HSD17B12: variants seen among roughly 807,000 people sequenced by gnomAD.
The protein encoded by HSD17B12 is very-long-chain 3-oxoacyl-CoA reductase.
HSD17B12 carries 32 observed loss-of-function variants against 39.3 expected under a neutral mutation model. That is an observed-to-expected ratio of 0.81 (90% CI 0.61 to 1.09). The LOEUF (loss-of-function observed/expected upper bound fraction) is 1.09, where lower values mean the gene tolerates loss of function less well. HSD17B12 is among the 50% of genes least tolerant of loss of function. The pLI is 0.00. For missense variants in HSD17B12, 342 were observed against 382.9 expected (o/e 0.89, Z 0.89); for synonymous variants, 150 against 146.7 (o/e 1.02, Z -0.16).
intron 3 of HSD17B12, among the ~76,000 whole-genome samples, chr11:43,771,218 T>C (rs1392834363): frequency 6.6e-6 from 1 of 152,224 alleles, no homozygotes; most frequent in Non-Finnish European, 1.5e-5. Context: ...CAGCTCAGCA[T>C]TAATGTTTGT....
At chr11:43,801,624 A>T (rs12799013) in intron 4 of HSD17B12, among the ~76,000 whole-genome samples, 2 of 19,594 alleles carry the variant, frequency 1.0e-4, no homozygotes, top group Non-Finnish European at 3.1e-4. Flanking sequence ...ATATATATAT[A>T]TATATATGTA....
the HSD17B12 span, among the ~76,000 whole-genome samples, chr11:43,612,025 T>C: frequency 7.2e-5 from 11 of 152,322 alleles, no homozygotes; most frequent in African/African-American, 2.4e-4. Context: ...GGGATGAGTA[T>C]AGGTCTTTTA....
At chr11:43,613,354 C>T in the HSD17B12 span, among the ~76,000 whole-genome samples, 3 of 151,394 alleles carry the variant, frequency 2.0e-5, no homozygotes, top group East Asian at 1.9e-4. Flanking sequence ...ATCATATCAT[C>T]GCACTCCAGC....
At chr11:43,582,237 G>A in the HSD17B12 span, among the ~76,000 whole-genome samples, 1 of 152,222 alleles carries the variant, frequency 6.6e-6, no homozygotes, top group Admixed American at 6.5e-5. Flanking sequence ...TTGGAGAGAT[G>A]CGGTTGTGCC....
At chr11:43,727,443 C>G (rs951586152) in intron 1 of HSD17B12, among the ~76,000 whole-genome samples, 2 of 151,544 alleles carry the variant, frequency 1.3e-5, no homozygotes, top group Middle Eastern at 3.2e-3. Flanking sequence ...AACTTTGATT[C>G]TGTTTGAATC....
intron 3 of HSD17B12, among the ~76,000 whole-genome samples, chr11:43,780,224 G>T (rs1950751126): frequency 6.6e-6 from 1 of 152,078 alleles, no homozygotes; most frequent in Non-Finnish European, 1.5e-5. Flanking sequence ...AGAGTGCAAT[G>T]GCGTGTTCTC....
chr11:43,746,005 G>C (rs1222315871), intron 1 of HSD17B12, among the ~76,000 whole-genome samples: 1 of 152,078 alleles, frequency 6.6e-6, no homozygotes, highest in Non-Finnish European at 1.5e-5. Context: ...GCAAGACCCT[G>C]ACTCTTAAAA....
the HSD17B12 span, among the ~76,000 whole-genome samples, chr11:43,660,563 G>A: frequency 6.6e-6 from 1 of 152,210 alleles, no homozygotes; most frequent in Non-Finnish European, 1.5e-5. Context: ...ACTAAGTGGT[G>A]TTGAAGATGC....
At chr11:43,628,030 C>A in the HSD17B12 span, among the ~76,000 whole-genome samples, 1 of 150,548 alleles carries the variant, frequency 6.6e-6, no homozygotes, top group Non-Finnish European at 1.5e-5. Context: ...AGAAATGGTT[C>A]TTTTCTTTTT....
At chr11:43,564,986 G>A in the HSD17B12 span, among the ~76,000 whole-genome samples, 5 of 149,848 alleles carry the variant, frequency 3.3e-5, no homozygotes, top group East Asian at 1.9e-4. Flanking sequence ...TGCAACCTCC[G>A]TCTCCTGGGT....
chr11:43,724,015 A>T (rs1164595885), intron 1 of HSD17B12: 1 of 151,990 alleles, frequency 6.6e-6, no homozygotes, highest in East Asian at 1.9e-4. Flanking sequence ...CTAAGATCTA[A>T]CAGATTTTCA....
At chr11:43,773,459 C>T (rs992056082) in intron 3 of HSD17B12, among the ~76,000 whole-genome samples, 1 of 152,184 alleles carries the variant, frequency 6.6e-6, no homozygotes, top group African/African-American at 2.4e-5. Context: ...AGGCTGCTCT[C>T]AAACTCCTGA....
chr11:43,672,831 G>A, the HSD17B12 span, among the ~76,000 whole-genome samples: 1 of 152,130 alleles, frequency 6.6e-6, no homozygotes, highest in South Asian at 2.1e-4. Flanking sequence ...GTGAGTCGCC[G>A]CACCCTGGCC....
chr11:43,724,369 T>C (rs1346145326), intron 1 of HSD17B12, among the ~76,000 whole-genome samples: 1 of 152,156 alleles, frequency 6.6e-6, no homozygotes, highest in African/African-American at 2.4e-5. Context: ...CAGAAAGCCA[T>C]GTATTGAAAA....
chr11:43,759,078 C>T (rs1950535413), intron 3 of HSD17B12, among the ~76,000 whole-genome samples: 1 of 152,182 alleles, frequency 6.6e-6, no homozygotes, highest in African/African-American at 2.4e-5. Flanking sequence ...AACATTTAAA[C>T]TCACTCCAAT....
At chr11:43,566,042 C>T in the HSD17B12 span, among the ~76,000 whole-genome samples, 14 of 149,824 alleles carry the variant, frequency 9.3e-5, no homozygotes, top group African/African-American at 2.7e-4. Context: ...TCTGTATTTC[C>T]GAATACCAGT....
chr11:43,571,001 C>CCA, the HSD17B12 span, among the ~76,000 whole-genome samples: 8 of 152,180 alleles, frequency 5.3e-5, no homozygotes, highest in East Asian at 1.5e-3. Context: ...TCTATGTCCC[C>CCA]CAGCCTATAC....
rs561164672 is a variant in HSD17B12 at position 43,702,363 on chromosome 11, A to G, written c.160+21376A>G. On this transcript the variant is annotated intron_variant, in intron 1 of 10. Transcript: ENST00000278353. ...TGCTGTAGCTAGGACTTCCAGTACTATGTTGAATAACAGTGGTGAAAGTCA... is the reference window on the plus strand; with the variant it reads ...TGCTGTAGCTAGGACTTCCAGTACTGTGTTGAATAACAGTGGTGAAAGTCA... 2.0e-5 allele frequency among the ~76,000 whole-genome samples: 3 copies of G among 152,292 alleles called. No individual in the cohort carries two copies. The South Asian group carries it at 6.2e-4, about 32-fold the overall frequency.
chr11:43,585,629 C>T, the HSD17B12 span, among the ~76,000 whole-genome samples: 1 of 152,098 alleles, frequency 6.6e-6, no homozygotes, highest in African/African-American at 2.4e-5. Context: ...CTATAATTTC[C>T]ACCATGTAAA....
Sources: gnomAD v4.1 joint callset for allele counts (sites outside exome capture counted in the v4.1 genomes callset) on GRCh38, gnomAD v4.1.1 for gene constraint, MANE v1.5 for transcripts, NCBI Gene and HGNC (gene_info 2026-07-23, HGNC 2026-07-21) for gene names.